Variants in NBAS observed in about 807,000 individuals in gnomAD.
The protein encoded by NBAS is NBAS subunit of NRZ tethering complex, also known as NAG/BC035112 fusion.
In NBAS, 219 loss-of-function variants were observed where a neutral mutation model predicts 302.5. The observed-to-expected ratio is 0.72, with a 90% CI of 0.65 to 0.81. The LOEUF is 0.81. Ranked by LOEUF, NBAS falls within the 30% of genes least tolerant of loss-of-function variation. The pLI, the probability that NBAS is intolerant of heterozygous loss-of-function variation, is 0.00. For synonymous variants in NBAS, 1,118 were observed against 1,021.6 expected (o/e 1.09, Z -1.80); for missense variants, 2,932 against 2,841.6 (o/e 1.03, Z -0.72).
At chr2:15,148,688 A>AT in the NBAS span, among the ~76,000 whole-genome samples, 1 of 152,184 alleles carries the variant, frequency 6.6e-6, no homozygotes, top group Non-Finnish European at 1.5e-5. Flanking sequence ...ATTATTTATA[A>AT]TTTTTTTAAA....
the NBAS span, among the ~76,000 whole-genome samples, chr2:15,103,514 T>C: frequency 6.6e-6 from 1 of 152,162 alleles, no homozygotes; most frequent in African/African-American, 2.4e-5. Context: ...TGCCTTCAAT[T>C]TGGGTAATGG....
chr2:14,984,808 C>T, the NBAS span, among the ~76,000 whole-genome samples: 1 of 152,168 alleles, frequency 6.6e-6, no homozygotes, highest in Non-Finnish European at 1.5e-5. Context: ...TGAACGTAGG[C>T]AGGTCTTTTC....
At chr2:15,465,078 C>T (rs1173858817) in intron 19 of NBAS, among the ~76,000 whole-genome samples, 2 of 152,210 alleles carry the variant, frequency 1.3e-5, no homozygotes, top group African/African-American at 4.8e-5. Flanking sequence ...AAGACAATGG[C>T]TGACAAATAG....
chr2:14,818,888 T>C, the NBAS span, among the ~76,000 whole-genome samples: 1 of 152,214 alleles, frequency 6.6e-6, no homozygotes, highest in East Asian at 1.9e-4. Context: ...TTTAGGTCTT[T>C]GAACATCTAC....
At chr2:15,264,639 C>T (rs902571359) in intron 44 of NBAS, among the ~76,000 whole-genome samples, 3 of 152,166 alleles carry the variant, frequency 2.0e-5, no homozygotes, top group South Asian at 2.1e-4. Flanking sequence ...TTTAGGAGCG[C>T]GCCCGTATGT....
rs574494993 is a variant in NBAS at position 15,451,340 on chromosome 2, C to T, written c.2339+9861G>A. On this transcript the variant is annotated intron_variant, in intron 21 of 51. Coordinates refer to ENST00000281513, the MANE Select transcript of NBAS (RefSeq NM_015909.4). ...TGCTGGTATTATAGGCATGAGCCAC[C>T]GCATCCAGCCAATTTACATTCTAAA... Among the ~76,000 whole-genome samples the T allele has an allele frequency of 2.0e-4, 30 of 152,216 alleles. 1 individual carries two copies. Among genetic ancestry groups the T allele is most frequent in the South Asian group, 1.5e-3 (7 of 4,812 alleles).
At chr2:14,920,448 A>G in the NBAS span, among the ~76,000 whole-genome samples, 2 of 152,192 alleles carry the variant, frequency 1.3e-5, no homozygotes, top group Admixed American at 1.3e-4. Context: ...GTCACCAGCT[A>G]TATTATCCTT....
At position 15,533,059 on chromosome 2, in the gene NBAS, AGAGTG is replaced by A. The variant is rs1300249716; in HGVS notation, c.746+1479_746+1483del. Among the ~76,000 whole-genome samples, 412 of 152,340 alleles carry A rather than the reference AGAGTG, an allele frequency of 2.7e-3. 1 individual carries two copies. The highest frequency in any genetic ancestry group is 8.8e-3 in the African/African-American group (367 of 41,586). ...AACCAGGGAAGTACAAATTAAAACC[AGAGTG>A]ACATGTTCTTTTACACCTACCAAAC... On this transcript the variant is annotated intron_variant, in intron 9 of 51. Transcript: ENST00000281513.
chr2:14,787,410 C>G, the NBAS span, among the ~76,000 whole-genome samples: 3 of 152,164 alleles, frequency 2.0e-5, no homozygotes. Context: ...CAGTTTCTTC[C>G]TAGCCTCGAT....
At chr2:15,187,797 T>G (rs1018416693) in intron 49 of NBAS, among the ~76,000 whole-genome samples, 8 of 152,198 alleles carry the variant, frequency 5.3e-5, no homozygotes, top group African/African-American at 1.4e-4. Flanking sequence ...GTCTTGCCCT[T>G]GAAAGAATTT....
chr2:15,471,470 C>G (rs946942616), intron 16 of NBAS, among the ~76,000 whole-genome samples: 6 of 152,234 alleles, frequency 3.9e-5, no homozygotes, highest in African/African-American at 1.4e-4. Flanking sequence ...ATGAAATTTT[C>G]CCAGTGTTTC....
In NBAS at chr2:15,430,969, C is replaced by T. The variant is rs190024350; in HGVS notation, c.2340-3175G>A. Among the ~76,000 whole-genome samples the T allele has an allele frequency of 3.0e-3, 453 of 151,918 alleles. 4 individuals carry two copies. The highest frequency in any genetic ancestry group is 5.1e-3 in the Non-Finnish European group (345 of 67,962). ...CTACAGGTGCCCGCCACAGTAGGCC[C>T]GGCTAATTTTTTTTTTTTTTAGAGA... is the stretch of plus-strand genomic sequence containing the variant. On this transcript the variant is annotated intron_variant, in intron 21 of 51. Coordinates refer to ENST00000281513, the MANE Select transcript of NBAS (RefSeq NM_015909.4).
intron 42 of NBAS, among the ~76,000 whole-genome samples, 186 bp from the exon 43 acceptor site, chr2:15,277,287 A>G (rs1182964111): frequency 6.6e-6 from 1 of 152,192 alleles, no homozygotes; most frequent in Non-Finnish European, 1.5e-5. Flanking sequence ...GATGCCTACT[A>G]ACATTTAACT....
intron 45 of NBAS, among the ~76,000 whole-genome samples, chr2:15,234,984 A>G (rs1468888128): frequency 1.3e-5 from 2 of 152,212 alleles, no homozygotes; most frequent in East Asian, 1.9e-4. Flanking sequence ...TCAAATTTCA[A>G]TATCTGCAAA....
chr2:15,413,590 T>C (rs1676785799), intron 25 of NBAS, among the ~76,000 whole-genome samples: 1 of 151,912 alleles, frequency 6.6e-6, no homozygotes, highest in Non-Finnish European at 1.5e-5. Flanking sequence ...GGGCCATGAG[T>C]GAAACAGACA....
Position 15,420,853 on chromosome 2 carries a change from C to T in NBAS, c.2578-3141G>A, listed in dbSNP as rs555155266. On this transcript the variant is annotated intron_variant, in intron 23 of 51. Coordinates refer to ENST00000281513, the MANE Select transcript of NBAS (RefSeq NM_015909.4). ...GGGAAGAGGGGGAAGCAACGTAATG[C>T]CAAGAAAAAATGCCACGCAATAATA... Among the ~76,000 whole-genome samples the T allele has an allele frequency of 2.0e-5, 3 of 152,010 alleles. No homozygotes were observed. In the East Asian group the frequency reaches 5.8e-4, roughly 29 times the overall value.
chr2:15,081,338 A>G, the NBAS span, among the ~76,000 whole-genome samples: 3 of 152,148 alleles, frequency 2.0e-5, no homozygotes, highest in South Asian at 2.1e-4. Flanking sequence ...TATGCCCAAG[A>G]CGGTGTGCTC....
intron 21 of NBAS, among the ~76,000 whole-genome samples, chr2:15,441,462 A>AT (rs1428827435): frequency 6.6e-6 from 1 of 151,886 alleles, no homozygotes; most frequent in Non-Finnish European, 1.5e-5. Context: ...ATGCTGAGAG[A>AT]TTTTGTCACC....
the NBAS span, among the ~76,000 whole-genome samples, chr2:14,845,193 C>A: frequency 6.6e-6 from 1 of 152,146 alleles, no homozygotes; most frequent in African/African-American, 2.4e-5. Context: ...CAGTTCCAGG[C>A]GGCTCAGAAC....
Sources: gnomAD v4.1 joint callset for allele counts (sites outside exome capture counted in the v4.1 genomes callset) on GRCh38, gnomAD v4.1.1 for gene constraint, MANE v1.5 for transcripts, NCBI Gene and HGNC (gene_info 2026-07-23, HGNC 2026-07-21) for gene names.